The following ARHGEF10 variants were observed in gnomAD, a reference collection of about 807,000 sequenced individuals.
The protein encoded by ARHGEF10 is Rho guanine nucleotide exchange factor (GEF) 10.
A neutral mutation model predicts 147.4 loss-of-function variants in ARHGEF10; 140 were observed. The observed-to-expected ratio is 0.95, with a 90% CI of 0.83 to 1.09. The LOEUF (loss-of-function observed/expected upper bound fraction) is 1.09, where lower values mean the gene tolerates loss of function less well. Among genes scored for constraint, ARHGEF10 ranks in the 50% least tolerant of loss-of-function variants. The pLI, the probability that ARHGEF10 is intolerant of heterozygous loss-of-function variation, is 0.00. For missense variants in ARHGEF10, 2,222 were observed against 1,752.7 expected (o/e 1.27, Z -4.78); for synonymous variants, 902 against 695.8 (o/e 1.30, Z -4.67).
intron 16 of ARHGEF10, among the ~76,000 whole-genome samples, chr8:1,904,591 T>C (rs898700498): frequency 5.7e-4 from 87 of 152,206 alleles, no homozygotes; most frequent in African/African-American, 2.1e-3. Context: ...CCTGTGGCAC[T>C]TGAACCTCCG....
intron 18 of ARHGEF10, among the ~76,000 whole-genome samples, chr8:1,920,387 A>G (rs927671215): frequency 6.6e-6 from 1 of 152,150 alleles, no homozygotes; most frequent in Non-Finnish European, 1.5e-5. Context: ...CAGTGGCACA[A>G]TTATAGCTCA....
intron 1 of ARHGEF10, chr8:1,826,101 T>A: frequency 6.3e-7 from 1 of 1,594,312 alleles, no homozygotes; most frequent in South Asian, 1.1e-5. Context: ...GCATAACTCT[T>A]TATAGACAGA....
intron 22 of ARHGEF10, among the ~76,000 whole-genome samples, chr8:1,926,169 T>A (rs941605117): frequency 6.6e-6 from 1 of 152,198 alleles, no homozygotes; most frequent in East Asian, 1.9e-4. Context: ...AAAGGTTGAA[T>A]CTCCTTAGGT....
chr8:1,928,588 C>G lies in ARHGEF10; in HGVS notation c.2859C>G (p.Pro953=), dbSNP rs146061245. ...GAGAGCCTGGGGCACCCCCGGACCC[C>G]GAGACCCCGGCCGTGAGAGCTTCTG... ...KRREPGAPPD[P]ETPAVRASDV... The change falls in exon 24 of 29, where the codon CCC becomes CCG. Residue 953 remains proline, a synonymous_variant. Coordinates refer to ENST00000349830, the MANE Select transcript of ARHGEF10 (RefSeq NM_014629.4). 6.2e-7 allele frequency: 1 copy of G among 1,614,214 alleles called. No individual in the cohort carries two copies. The highest frequency in any genetic ancestry group is 8.5e-7 in the Non-Finnish European group (1 of 1,180,038).
At chr8:1,890,958 C>G (rs1809480017) in intron 11 of ARHGEF10, among the ~76,000 whole-genome samples, 1 of 152,224 alleles carries the variant, frequency 6.6e-6, no homozygotes, top group South Asian at 2.1e-4. Context: ...GGATGAAATT[C>G]TGTTTTTTGC....
At chr8:1,921,261 T>C (rs1191626949) in intron 18 of ARHGEF10, among the ~76,000 whole-genome samples, 4 of 152,374 alleles carry the variant, frequency 2.6e-5, no homozygotes, top group African/African-American at 7.2e-5. Flanking sequence ...ATATAGTAAA[T>C]ATTTTTAGAT....
intron 18 of ARHGEF10, among the ~76,000 whole-genome samples, chr8:1,916,427 C>T (rs537533998): frequency 1.3e-5 from 2 of 152,310 alleles, no homozygotes; most frequent in East Asian, 1.9e-4. Flanking sequence ...CATGTATCTT[C>T]GTGACAGTGT....
intron 1 of ARHGEF10, among the ~76,000 whole-genome samples, chr8:1,841,489 C>G (rs529390854): frequency 1.3e-5 from 2 of 152,270 alleles, no homozygotes; most frequent in Admixed American, 1.3e-4. Flanking sequence ...CATTGTTAAG[C>G]TACAGAGTGT....
At chr8:1,918,460 C>CTGTGTGTGTGTGTGTG (rs60519090) in intron 18 of ARHGEF10, among the ~76,000 whole-genome samples, 198 of 140,942 alleles carry the variant, frequency 1.4e-3, no homozygotes, top group African/African-American at 5.0e-3. Flanking sequence ...CATTTGATGG[C>CTGTGTGTGTGTGTGTG]TGTGTGTGTG....
rs181285770 is a variant in ARHGEF10, at chr8:1,957,571, A to T, written c.*308A>T. The T allele has an allele frequency of 2.3e-4, 106 of 451,154 alleles. 1 individual carries two copies. The East Asian group carries it at 3.5e-3, about 15-fold the overall frequency. The allele number at this position is 451,154 out of a possible 1,614,324, so 27.9% of individuals were successfully genotyped here. ...CTGCTGTAGTCCATATGTGAATACT[A>T]AATGTTAAACTTCATCAGCGTCAGA... is the stretch of plus-strand genomic sequence containing the variant. On this transcript the variant is annotated 3_prime_UTR_variant, in exon 29 of 29. Transcript: ENST00000349830.
At chr8:1,852,025 A>G (rs970792247) in intron 2 of ARHGEF10, among the ~76,000 whole-genome samples, 3 of 152,098 alleles carry the variant, frequency 2.0e-5, no homozygotes, top group Admixed American at 1.3e-4. Context: ...TCAGGCTCAG[A>G]CAGGCCGTTA....
At chr8:1,912,115 C>G (rs1314635601) in intron 18 of ARHGEF10, among the ~76,000 whole-genome samples, 2 of 152,160 alleles carry the variant, frequency 1.3e-5, no homozygotes, top group Non-Finnish European at 2.9e-5. Context: ...AGCGTGGTAA[C>G]CACCTGAGAC....
intron 17 of ARHGEF10, among the ~76,000 whole-genome samples, chr8:1,907,362 C>T (rs1196238370): frequency 2.0e-5 from 3 of 152,172 alleles, no homozygotes; most frequent in African/African-American, 7.2e-5. Flanking sequence ...CAAGTTGGCC[C>T]ACACGATGTG....
chr8:1,921,137 A>G (rs1357906282), intron 18 of ARHGEF10, among the ~76,000 whole-genome samples: 2 of 152,150 alleles, frequency 1.3e-5, no homozygotes, highest in South Asian at 2.1e-4. Flanking sequence ...TAGTAATTGC[A>G]TTTGTCTAGA....
chr8:1,865,636 A>T (rs2129086107), intron 5 of ARHGEF10, among the ~76,000 whole-genome samples: 1 of 152,308 alleles, frequency 6.6e-6, no homozygotes, highest in Middle Eastern at 3.4e-3. Flanking sequence ...CCTCATCCTC[A>T]AGGTCCTGCA....
At chr8:1,845,261 C>G (rs927170850) in intron 2 of ARHGEF10, among the ~76,000 whole-genome samples, 1 of 152,208 alleles carries the variant, frequency 6.6e-6, no homozygotes, top group Admixed American at 6.5e-5. Flanking sequence ...TTACCCTCCA[C>G]GGGCCCACTT....
intron 1 of ARHGEF10, among the ~76,000 whole-genome samples, chr8:1,830,852 C>G (rs971921061): frequency 3.9e-5 from 6 of 152,220 alleles, no homozygotes; most frequent in Admixed American, 3.9e-4. Flanking sequence ...GGCGAGGCGC[C>G]AAGAGAATGG....
intron 16 of ARHGEF10, chr8:1,903,683 A>G (rs987171768): frequency 1.2e-5 from 7 of 601,002 alleles, no homozygotes; most frequent in African/African-American, 3.7e-5. Flanking sequence ...AGATTCATAC[A>G]TTCATTAGAC....
rs200487137 is a variant in ARHGEF10, at chr8:1,905,705, C to T, written c.1956C>T (p.Thr652=). ...TAAATGATGTGTTAATGTGTGCCAC[C>T]GTCAGCTCACGGTAAGTGCATAAAT... ...FMLNDVLMCA[T]VSSRPSHDSR... is the part of the protein sequence containing the mutation. Residue 652 remains threonine (T), a synonymous_variant, in exon 17 of 29, where the codon ACC becomes ACT. Coordinates refer to ENST00000349830, the MANE Select transcript of ARHGEF10 (RefSeq NM_014629.4). The T allele has an allele frequency of 1.6e-4, 262 of 1,613,832 alleles. 1 individual carries two copies. Among genetic ancestry groups the T allele is most frequent in the East Asian group, 6.9e-4 (31 of 44,886 alleles).
Sources: gnomAD v4.1 joint callset for allele counts (sites outside exome capture counted in the v4.1 genomes callset) on GRCh38, gnomAD v4.1.1 for gene constraint, MANE v1.5 for transcripts, NCBI Gene and HGNC (gene_info 2026-07-23, HGNC 2026-07-21) for gene names.